The following SLC25A30 variants were observed in gnomAD, a reference collection of about 807,000 sequenced individuals.
SLC25A30 encodes kidney mitochondrial carrier protein 1.
SLC25A30 carries 29 observed loss-of-function variants against 42.7 expected under a neutral mutation model. The ratio of observed to expected loss-of-function variants is 0.68; its 90% CI spans 0.51 to 0.93. SLC25A30 has a LOEUF of 0.93. SLC25A30 is among the 40% of genes least tolerant of loss of function. SLC25A30 has a pLI of 0.00. For missense variants in SLC25A30, 300 were observed against 359.7 expected (o/e 0.83, Z 1.34); for synonymous variants, 124 against 131.0 (o/e 0.95, Z 0.37).
intron 1 of SLC25A30, chr13:45,412,001 T>C (rs1883072196): frequency 4.6e-5 from 1 of 21,590 alleles, no homozygotes; most frequent in African/African-American, 2.0e-4. Flanking sequence ...TAGTGAGTCC[T>C]TACTGGGGGT....
chr13:45,413,155 G>C (rs984266827), intron 1 of SLC25A30, among the ~76,000 whole-genome samples: 43 of 152,126 alleles, frequency 2.8e-4, no homozygotes, highest in African/African-American at 9.9e-4. Flanking sequence ...TTACAAATGA[G>C]TAAAATAGAA....
At chr13:45,396,397 C>T in intron 9 of SLC25A30, 1 of 1,021,734 alleles carries the variant, frequency 9.8e-7, no homozygotes, top group Non-Finnish European at 1.2e-6. Flanking sequence ...TGCATCCTTC[C>T]TTGGGAGGCA....
chr13:45,395,977 CAAA>C lies in SLC25A30; in HGVS notation c.870_872del (p.Asp290_Leu291delinsGlu). ...TGTCTCATGCAGCCTTGGCTTGTCA[CAAA>C]TCCAATTTCTTCAACTGCTCGTATG... On this transcript the variant is annotated inframe_deletion, in exon 10 of 10. Transcript: ENST00000519676. The C allele has an allele frequency of 1.2e-6, 2 of 1,614,192 alleles. No individual in the cohort carries two copies. The highest frequency in any genetic ancestry group is 1.7e-6 in the Non-Finnish European group (2 of 1,180,028).
intron 8 of SLC25A30, chr13:45,398,425 C>T (rs1298262597): frequency 6.6e-6 from 1 of 151,268 alleles, no homozygotes; most frequent in African/African-American, 2.4e-5. Context: ...CACACCTGCA[C>T]ATGTACCCCC....
intron 7 of SLC25A30, among the ~76,000 whole-genome samples, 167 bp downstream of exon 7, chr13:45,400,916 A>T (rs1881904023): frequency 6.6e-6 from 1 of 152,248 alleles, no homozygotes. Context: ...CGCCTGGAAG[A>T]TACATATCAA....
the SLC25A30 span, among the ~76,000 whole-genome samples, chr13:45,423,812 A>ATATAT: frequency 2.6e-5 from 1 of 38,110 alleles, no homozygotes; most frequent in Non-Finnish European, 5.8e-5. Flanking sequence ...TTATATATAT[A>ATATAT]AAAATATAAA....
At chr13:45,417,922 G>GT (rs1361455592) in intron 1 of SLC25A30, among the ~76,000 whole-genome samples, 2 of 152,338 alleles carry the variant, frequency 1.3e-5, no homozygotes, top group African/African-American at 4.8e-5. Context: ...GAACGCACGA[G>GT]TGGGAGGGAC....
intron 1 of SLC25A30, among the ~76,000 whole-genome samples, chr13:45,413,516 G>C (rs888674416): frequency 1.3e-5 from 2 of 151,218 alleles, no homozygotes; most frequent in African/African-American, 4.9e-5. Context: ...GAGCCTAGGA[G>C]TTCAAGACCA....
chr13:45,419,344 G>A (rs1028215660), upstream of SLC25A30, among the ~76,000 whole-genome samples: 3 of 151,152 alleles, frequency 2.0e-5, no homozygotes, highest in Non-Finnish European at 4.4e-5. Flanking sequence ...TTTAGACAGA[G>A]CCTCACTCTT....
chr13:45,424,510 T>TATAAATATAAATATATAAAAATATATAA, the SLC25A30 span, among the ~76,000 whole-genome samples: 33 of 38,056 alleles, frequency 8.7e-4, 5 homozygotes, highest in African/African-American at 3.7e-3. Context: ...TATAAAAATA[T>TATAAATATAAATATATAAAAATATATAA]ATATAAATAT....
the SLC25A30 span, among the ~76,000 whole-genome samples, chr13:45,425,072 A>ATATATAAATATATATG: frequency 4.5e-5 from 3 of 66,856 alleles, no homozygotes; most frequent in South Asian, 4.2e-4. Flanking sequence ...GTATATATAC[A>ATATATAAATATATATG]TATATATAAA....
Position 45,402,320 on chromosome 13 carries a change from G to A in SLC25A30, c.444C>T (p.Asn148=). The change falls in exon 6 of 10, where the codon AAC becomes AAT. Residue 148 remains asparagine, a synonymous_variant. Coordinates refer to ENST00000519676, the MANE Select transcript of SLC25A30 (RefSeq NM_001010875.4). ...CCTCTTGCTGGTAAATGTTCATGAA[G>A]TTGCCTATCATTCCTCCTTGAATGG... ...SNTIQGGMIG[N]FMNIYQQEGT... The A allele has an allele frequency of 1.2e-6, 2 of 1,614,080 alleles. No individual in the cohort carries two copies. The highest frequency in any genetic ancestry group is 1.7e-6 in the Non-Finnish European group (2 of 1,179,992).
At chr13:45,426,638 A>G in the SLC25A30 span, among the ~76,000 whole-genome samples, 1 of 152,112 alleles carries the variant, frequency 6.6e-6, no homozygotes, top group Non-Finnish European at 1.5e-5. Flanking sequence ...ACAGCCTATA[A>G]CAGCCATTTG....
intron 5 of SLC25A30, among the ~76,000 whole-genome samples, 169 bp from the exon 6 acceptor site, chr13:45,402,539 G>A (rs1025471276): frequency 1.3e-5 from 2 of 152,094 alleles, no homozygotes; most frequent in African/African-American, 4.8e-5. Flanking sequence ...TGACTAAAAC[G>A]TATAAAAATT....
At chr13:45,418,563 C>G (rs1343415055), upstream of SLC25A30, 1 of 113,196 alleles carries the variant, frequency 8.8e-6, no homozygotes, top group Non-Finnish European at 1.9e-5. Context: ...TCAGGATCTT[C>G]CCCTGCCGCT....
In SLC25A30 at chr13:45,394,541, TA is replaced by T; in HGVS notation, c.*1432del. The stretch of plus-strand genomic sequence containing the variant: ...AAAGGGGGAACTGAAGAGACCCAAA[TA>T]AATATGTTCCCTGTCCTGTGGCTGC... On this transcript the variant is annotated 3_prime_UTR_variant, in exon 10 of 10. Coordinates refer to ENST00000519676, the MANE Select transcript of SLC25A30 (RefSeq NM_001010875.4). The T allele has an allele frequency of 1.3e-5, 13 of 985,308 alleles. No individual in the cohort carries two copies. The highest frequency in any genetic ancestry group is 1.6e-5 in the Non-Finnish European group (13 of 829,916). 61.0% of individuals were successfully genotyped at this position (985,308 alleles called of 1,614,324 possible).
the SLC25A30 span, among the ~76,000 whole-genome samples, chr13:45,424,152 T>TATATAAATATATAA: frequency 6.9e-5 from 6 of 87,202 alleles, no homozygotes; most frequent in Admixed American, 2.0e-4. Flanking sequence ...AATATAAGTA[T>TATATAAATATATAA]ATATATAGAA....
upstream of SLC25A30, among the ~76,000 whole-genome samples, chr13:45,422,219 G>A (rs1456302925): frequency 4.6e-5 from 7 of 152,198 alleles, no homozygotes; most frequent in Non-Finnish European, 1.0e-4. Context: ...GAATGATGCA[G>A]ATAATATGGA....
chr13:45,395,040 T>C lies in SLC25A30; in HGVS notation c.*934A>G, dbSNP rs1881208787. The stretch of plus-strand genomic sequence containing the variant: ...TTACCATGAGAAGCCCATGAGAACA[T>C]GCCCCTCTTCTACATAGACTGTTTA... On this transcript the variant is annotated 3_prime_UTR_variant, in exon 10 of 10. Transcript: ENST00000519676. 5 of 985,472 alleles carry C rather than the reference T, an allele frequency of 5.1e-6. No individual in the cohort carries two copies. The highest frequency in any genetic ancestry group is 4.8e-6 in the Non-Finnish European group (4 of 829,938). 61.0% of individuals were successfully genotyped at this position (985,472 alleles called of 1,614,324 possible). A position where few individuals can be genotyped will look rare whatever the true frequency, so the allele number is the denominator to read the frequency against.
Sources: allele counts gnomAD v4.1 joint callset (sites outside exome capture counted in the v4.1 genomes callset), GRCh38; gene constraint gnomAD v4.1.1; transcripts MANE v1.5; gene names NCBI Gene and HGNC (gene_info 2026-07-23, HGNC 2026-07-21).